STIM1: variants seen among roughly 807,000 people sequenced by gnomAD.
STIM1 encodes stromal interaction molecule 1.
Under a neutral mutation model 74.7 loss-of-function variants are expected in STIM1, and 25 were observed. The ratio of observed to expected loss-of-function variants is 0.33; its 90% CI spans 0.24 to 0.47. The LOEUF (loss-of-function observed/expected upper bound fraction) is 0.47, where lower values mean the gene tolerates loss of function less well. Ranked by LOEUF, STIM1 falls within the 20% of genes least tolerant of loss-of-function variation. The pLI, the probability that STIM1 is intolerant of heterozygous loss-of-function variation, is 1.00. For missense variants in STIM1, 728 were observed against 920.8 expected (o/e 0.79, Z 2.71); for synonymous variants, 328 against 348.8 (o/e 0.94, Z 0.66).
chr11:4,029,094 AGGAGAATTGCTTG>A lies in STIM1; in HGVS notation c.385+5108_385+5120del, dbSNP rs374798572. Reference sequence around the variant, plus strand: ...TCCCAGCTGCTCGGGAGATTGAGGCAGGAGAATTGCTTGAAACTGGAAAGCAGAGGTTGCAGTG... The same window carrying A: ...TCCCAGCTGCTCGGGAGATTGAGGCAAAACTGGAAAGCAGAGGTTGCAGTG... On this transcript the variant is annotated intron_variant, in intron 3 of 12. Coordinates refer to ENST00000526596, the MANE Select transcript of STIM1 (RefSeq NM_001382567.1). 3.2e-3 allele frequency among the ~76,000 whole-genome samples: 480 copies of A among 152,242 alleles called. 3 individuals are homozygous for A. The highest frequency in any genetic ancestry group is 0.011 in the African/African-American group (450 of 41,552).
At chr11:3,890,878 C>T (rs920412215) in intron 1 of STIM1, among the ~76,000 whole-genome samples, 2 of 152,056 alleles carry the variant, frequency 1.3e-5, no homozygotes, top group African/African-American at 4.8e-5. Context: ...AGGTATTGGG[C>T]CAGAAGTCTA....
intron 3 of STIM1, among the ~76,000 whole-genome samples, chr11:4,025,671 G>A (rs1438614330): frequency 4.6e-5 from 7 of 152,174 alleles, no homozygotes; most frequent in South Asian, 2.1e-4. Flanking sequence ...CTGAAAGCTC[G>A]CATAGAAGTA....
chr11:3,856,525 C>A, intron 1 of STIM1, 116 bp downstream of exon 1: 1 of 1,269,206 alleles, frequency 7.9e-7, no homozygotes, highest in Non-Finnish European at 1.1e-6. Context: ...AGGATTCACA[C>A]ATGGCACTGC....
intron 1 of STIM1, among the ~76,000 whole-genome samples, chr11:3,901,026 A>T (rs1027726957): frequency 6.6e-6 from 1 of 152,228 alleles, no homozygotes; most frequent in African/African-American, 2.4e-5. Context: ...CCCTGTCTCT[A>T]TTAAAAATAC....
chr11:3,937,895 C>T (rs2092954592), intron 1 of STIM1, among the ~76,000 whole-genome samples: 1 of 152,010 alleles, frequency 6.6e-6, no homozygotes. Context: ...TCCCCCCCTA[C>T]CTTTAACTTC....
chr11:3,937,714 T>C (rs1226788134), intron 1 of STIM1, among the ~76,000 whole-genome samples: 1 of 152,114 alleles, frequency 6.6e-6, no homozygotes, highest in East Asian at 1.9e-4. Flanking sequence ...TTTATATGTA[T>C]ATAAGCTCAT....
chr11:3,882,287 C>T (rs535731986), intron 1 of STIM1, among the ~76,000 whole-genome samples: 5 of 151,308 alleles, frequency 3.3e-5, no homozygotes, highest in South Asian at 2.1e-4. Flanking sequence ...TTAGTAGAGA[C>T]GGGGTTTCTC....
At chr11:4,023,330 GACAAACAA>G (rs74727994) in intron 2 of STIM1, among the ~76,000 whole-genome samples, 15 of 150,878 alleles carry the variant, frequency 9.9e-5, no homozygotes, top group African/African-American at 2.4e-4. Context: ...TCTGTCTCAA[GACAAACAA>G]ACAAACAAAC....
intron 1 of STIM1, among the ~76,000 whole-genome samples, chr11:3,905,109 G>C (rs1010791871): frequency 1.3e-5 from 2 of 152,006 alleles, no homozygotes; most frequent in African/African-American, 2.4e-5. Flanking sequence ...AATGAGAAAA[G>C]TTTCTAAAAG....
chr11:3,876,656 G>GC (rs2091316447), intron 1 of STIM1, among the ~76,000 whole-genome samples: 1 of 152,144 alleles, frequency 6.6e-6, no homozygotes, highest in East Asian at 1.9e-4. Flanking sequence ...TGATCCTCCT[G>GC]CCTCCATCTC....
chr11:3,896,155 C>G (rs937517609), intron 1 of STIM1, among the ~76,000 whole-genome samples: 15 of 152,174 alleles, frequency 9.9e-5, no homozygotes, highest in Non-Finnish European at 2.1e-4. Context: ...CCGCCCACCT[C>G]GGCCTTCCAA....
chr11:3,964,607 A>AC (rs1184352148), intron 1 of STIM1, among the ~76,000 whole-genome samples: 1 of 152,026 alleles, frequency 6.6e-6, no homozygotes, highest in African/African-American at 2.4e-5. Flanking sequence ...GAGGCCCCAA[A>AC]CCCTAGAGCT....
intron 2 of STIM1, among the ~76,000 whole-genome samples, chr11:4,012,317 T>C (rs1224147172): frequency 2.0e-5 from 3 of 152,228 alleles, no homozygotes; most frequent in African/African-American, 4.8e-5. Flanking sequence ...CCTTGGGCAG[T>C]GTGGCCATTT....
chr11:3,960,409 G>A (rs1207695058), intron 1 of STIM1, among the ~76,000 whole-genome samples: 1 of 152,154 alleles, frequency 6.6e-6, no homozygotes, highest in Non-Finnish European at 1.5e-5. Flanking sequence ...GAAATCAGTG[G>A]TGATATTAAT....
chr11:4,012,662 A>G (rs1325484787), intron 2 of STIM1, among the ~76,000 whole-genome samples: 2 of 152,214 alleles, frequency 1.3e-5, no homozygotes, highest in Non-Finnish European at 1.5e-5. Flanking sequence ...CAATCATGTC[A>G]TCTGCAAACA....
chr11:3,971,519 ACT>A (rs61013683), intron 2 of STIM1, among the ~76,000 whole-genome samples: 2,136 of 152,192 alleles, frequency 0.014, 51 homozygotes, highest in African/African-American at 0.049. Flanking sequence ...ACAGAGCAAG[ACT>A]CTGTCTCAAA....
At chr11:3,991,376 G>A (rs2093609948) in intron 2 of STIM1, among the ~76,000 whole-genome samples, 1 of 151,332 alleles carries the variant, frequency 6.6e-6, no homozygotes. Flanking sequence ...TTGCCATGTT[G>A]CCTGGGCTGG....
intron 2 of STIM1, among the ~76,000 whole-genome samples, chr11:3,994,370 A>C (rs1277385668): frequency 6.6e-6 from 1 of 151,572 alleles, no homozygotes; most frequent in Non-Finnish European, 1.5e-5. Context: ...GGAGTTTATT[A>C]GATTTTCTTT....
chr11:4,089,177 C>T (rs533869751), intron 12 of STIM1: 17 of 195,134 alleles, frequency 8.7e-5, no homozygotes, highest in Middle Eastern at 4.6e-3. Context: ...GAGCCGAGAT[C>T]GCGCCATTGC....
Sources: allele counts gnomAD v4.1 joint callset (sites outside exome capture counted in the v4.1 genomes callset), GRCh38; gene constraint gnomAD v4.1.1; transcripts MANE v1.5; gene names NCBI Gene and HGNC (gene_info 2026-07-23, HGNC 2026-07-21).